Variants in MBD2 observed in about 807,000 individuals in gnomAD.
MBD2 encodes methyl-CpG binding domain protein 2.
In MBD2, 9 loss-of-function variants were observed where a neutral mutation model predicts 39.3. The observed-to-expected ratio is 0.23, with a 90% CI of 0.14 to 0.40. The LOEUF is 0.40. MBD2 is among the 10% of genes least tolerant of loss of function. The probability of loss-of-function intolerance (pLI) is 1.00; values close to 1 mark genes in which losing one functional copy is unlikely to be tolerated. For synonymous variants in MBD2, 233 were observed against 211.1 expected (o/e 1.10, Z -0.90); for missense variants, 458 against 532.6 (o/e 0.86, Z 1.38).
At chr18:54,189,376 A>G (rs773271817) in intron 2 of MBD2, among the ~76,000 whole-genome samples, 4 of 148,632 alleles carry the variant, frequency 2.7e-5, no homozygotes, top group Non-Finnish European at 4.5e-5. Flanking sequence ...GGCGCCCGCC[A>G]CCAAGCCAGC....
Position 54,151,747 on chromosome 18 carries a change from G to T in MBD2, c.*3577C>A, listed in dbSNP as rs1323739490. On this transcript the variant is annotated 3_prime_UTR_variant, in exon 7 of 7. Coordinates refer to ENST00000256429, the MANE Select transcript of MBD2 (RefSeq NM_003927.5). ...TTATATCTTTGCAATTATTTATGAA[G>T]ATCTATATTATTTTAAAAATCCAAA... 1 of 147,950 alleles carries T rather than the reference G, an allele frequency of 6.8e-6. No homozygotes were observed. The highest frequency in any genetic ancestry group is 2.5e-5 in the African/African-American group (1 of 40,084). 9.2% of individuals were successfully genotyped at this position (147,950 alleles called of 1,614,324 possible).
intron 5 of MBD2, among the ~76,000 whole-genome samples, chr18:54,162,037 G>C (rs1389421020): frequency 1.3e-5 from 2 of 152,176 alleles, no homozygotes; most frequent in Non-Finnish European, 2.9e-5. Flanking sequence ...GCCAAGAAGA[G>C]AACAGGGGCC....
chr18:54,158,835 C>T (rs1000386710), intron 6 of MBD2, among the ~76,000 whole-genome samples: 10 of 152,152 alleles, frequency 6.6e-5, no homozygotes, highest in African/African-American at 1.7e-4. Flanking sequence ...ACCATGTTGG[C>T]CAAGCTAGTC....
chr18:54,160,691 G>A (rs1248997629), intron 5 of MBD2, among the ~76,000 whole-genome samples: 1 of 150,894 alleles, frequency 6.6e-6, no homozygotes, highest in Admixed American at 6.6e-5. Context: ...TCCCCCAGAT[G>A]GTAAGAGATA....
At position 54,188,934 on chromosome 18, in the gene MBD2, T is replaced by C. The variant is rs1181505401; in HGVS notation, c.780A>G (p.Thr260=). 1 of 1,610,676 alleles carries C rather than the reference T, an allele frequency of 6.2e-7. No homozygotes were observed. The highest frequency in any genetic ancestry group is 1.3e-5 in the African/African-American group (1 of 75,024). Residue 260 remains threonine (T), a synonymous_variant, in exon 3 of 7, where the codon ACA becomes ACG. Transcript: ENST00000256429. Reference sequence around the variant, plus strand: ...ATTTCACTTTATTACTAGGATGATTTGTGACTTTGGTTACCGGTTGTTTGA... The same window carrying C: ...ATTTCACTTTATTACTAGGATGATTCGTGACTTTGGTTACCGGTTGTTTGA... ...SIFKQPVTKV[T]NHPSNKVKSD...
chr18:54,169,911 T>C (rs969242174), intron 3 of MBD2, among the ~76,000 whole-genome samples: 2 of 152,256 alleles, frequency 1.3e-5, no homozygotes, highest in Non-Finnish European at 2.9e-5. Flanking sequence ...TATCTTGTTC[T>C]CTTTGTTACC....
chr18:54,183,890 A>T (rs1005446515), intron 3 of MBD2, among the ~76,000 whole-genome samples: 3 of 152,116 alleles, frequency 2.0e-5, no homozygotes, highest in Non-Finnish European at 4.4e-5. Flanking sequence ...GTCTCTGAGA[A>T]GGAAGGAGGA....
chr18:54,152,132 G>A lies in MBD2; in HGVS notation c.*3192C>T, dbSNP rs2086025655. 1 of 152,178 alleles carries A rather than the reference G, an allele frequency of 6.6e-6. No homozygotes were observed. The highest frequency in any genetic ancestry group is 1.5e-5 in the Non-Finnish European group (1 of 68,056). The allele number at this position is 152,178 out of a possible 1,614,324, so 9.4% of individuals were successfully genotyped here. A position where few individuals can be genotyped will look rare whatever the true frequency, so the allele number is the denominator to read the frequency against. On this transcript the variant is annotated 3_prime_UTR_variant, in exon 7 of 7. Coordinates refer to ENST00000256429, the MANE Select transcript of MBD2 (RefSeq NM_003927.5). ...CATGGAGGTATTTACAAAGTGCGGTGGGAACAGGGAAGGCGGGAAAGAACA... is the reference window on the plus strand; with the variant it reads ...CATGGAGGTATTTACAAAGTGCGGTAGGAACAGGGAAGGCGGGAAAGAACA...
At chr18:54,211,506 T>C (rs548707832) in intron 1 of MBD2, among the ~76,000 whole-genome samples, 2 of 152,202 alleles carry the variant, frequency 1.3e-5, no homozygotes, top group East Asian at 3.9e-4. Context: ...AATGTAGGCC[T>C]TTCCTACAAT....
At chr18:54,165,970 AG>A (rs1411275434) in intron 4 of MBD2, 105 bp downstream of exon 4, 1 of 740,198 alleles carries the variant, frequency 1.4e-6, no homozygotes, top group African/African-American at 1.8e-5. Flanking sequence ...GACCTCCCAA[AG>A]CAAAGGCCTC....
chr18:54,159,682 G>A (rs1261999845), intron 6 of MBD2, 83 bp downstream of exon 6: 25 of 1,500,072 alleles, frequency 1.7e-5, no homozygotes, highest in Non-Finnish European at 1.6e-5. Context: ...CCACCCAAGT[G>A]CTGGGATTAC....
chr18:54,159,344 A>G (rs1245876545), intron 6 of MBD2, among the ~76,000 whole-genome samples: 1 of 152,176 alleles, frequency 6.6e-6, no homozygotes, highest in Non-Finnish European at 1.5e-5. Flanking sequence ...CACATGCAGA[A>G]CCCGAGCAGA....
At chr18:54,199,900 T>G (rs1039198286) in intron 2 of MBD2, among the ~76,000 whole-genome samples, 1 of 152,268 alleles carries the variant, frequency 6.6e-6, no homozygotes, top group East Asian at 1.9e-4. Flanking sequence ...ACTACTAAGT[T>G]TCTCAAACTA....
At chr18:54,163,377 T>C (rs996688468) in intron 5 of MBD2, among the ~76,000 whole-genome samples, 20 of 152,172 alleles carry the variant, frequency 1.3e-4, no homozygotes, top group African/African-American at 4.6e-4. Context: ...ATTAAACTGA[T>C]TTACATTCAG....
Position 54,159,795 on chromosome 18 carries a change from G to A in MBD2, c.1218C>T (p.Asp406=), listed in dbSNP as rs200099603. 21 of 1,611,082 alleles carry A rather than the reference G, an allele frequency of 1.3e-5. No individual in the cohort carries two copies. The highest frequency in any genetic ancestry group is 1.7e-5 in the Non-Finnish European group (20 of 1,179,978). The change falls in exon 6 of 7, where the codon GAC becomes GAT. Residue 406 remains aspartate, a synonymous_variant. Transcript: ENST00000256429. ...CATATTCTTAGGCTTCATCTCCACT[G>A]TCCATTTCAATATCCATCTCTTCTG... ...ADTEEMDIEM[D]SGDEA
intron 3 of MBD2, among the ~76,000 whole-genome samples, chr18:54,177,627 C>A (rs1403257364): frequency 6.6e-6 from 1 of 151,946 alleles, no homozygotes; most frequent in Non-Finnish European, 1.5e-5. Context: ...ACTACAGGCG[C>A]CCGCCACCAC....
chr18:54,178,711 A>G (rs2086228977), intron 3 of MBD2, among the ~76,000 whole-genome samples: 2 of 152,194 alleles, frequency 1.3e-5, no homozygotes, highest in South Asian at 4.1e-4. Flanking sequence ...TTGAATTTCA[A>G]TGAGGAAAAG....
chr18:54,201,348 G>A (rs1037541432), intron 2 of MBD2, among the ~76,000 whole-genome samples: 2 of 152,210 alleles, frequency 1.3e-5, no homozygotes, highest in African/African-American at 4.8e-5. Context: ...GTCAGTTGAA[G>A]AGATGGAGGT....
chr18:54,161,921 G>C (rs2086101309), intron 5 of MBD2, among the ~76,000 whole-genome samples: 1 of 152,204 alleles, frequency 6.6e-6, no homozygotes, highest in Admixed American at 6.5e-5. Flanking sequence ...GGACCCCTTA[G>C]TGGAGCTGGG....
Sources: gnomAD v4.1 joint callset for allele counts (sites outside exome capture counted in the v4.1 genomes callset) on GRCh38, gnomAD v4.1.1 for gene constraint, MANE v1.5 for transcripts, NCBI Gene and HGNC (gene_info 2026-07-23, HGNC 2026-07-21) for gene names.